The following TJP2 variants were observed in gnomAD, a reference collection of about 807,000 sequenced individuals.
The protein encoded by TJP2 is Friedreich ataxia region gene X104 (tight junction protein ZO-2).
In TJP2, 91 loss-of-function variants were observed where a neutral mutation model predicts 133.1. The ratio of observed to expected loss-of-function variants is 0.68; its 90% CI spans 0.58 to 0.81. The LOEUF is 0.81. TJP2 is among the 40% of genes least tolerant of loss of function. The pLI, the probability that TJP2 is intolerant of heterozygous loss-of-function variation, is 0.00. For missense variants in TJP2, 1,541 were observed against 1,565.6 expected, an observed-to-expected ratio of 0.98 and a Z score of 0.26; for synonymous variants, 592 against 583.4, an observed-to-expected ratio of 1.01 and a Z score of -0.21.
intron 18 of TJP2, among the ~76,000 whole-genome samples, chr9:69,247,457 T>C (rs1831007867): frequency 6.6e-6 from 1 of 152,224 alleles, no homozygotes; most frequent in South Asian, 2.1e-4. Flanking sequence ...TGACAGTGAC[T>C]ATTTTGTTGC....
intron 1 of TJP2, among the ~76,000 whole-genome samples, chr9:69,133,406 C>T (rs1462343212): frequency 2.0e-5 from 3 of 152,206 alleles, no homozygotes; most frequent in South Asian, 4.1e-4. Context: ...GAAAGACTGG[C>T]GTCTGCTGCA....
At chr9:69,199,562 G>T (rs73450840) in intron 1 of TJP2, among the ~76,000 whole-genome samples, 9 of 152,024 alleles carry the variant, frequency 5.9e-5, no homozygotes, top group East Asian at 1.9e-4. Context: ...ATGCACGTAC[G>T]CACGCACCAG....
rs1831161158 is a variant in TJP2, at chr9:69,249,372, T to C, written c.2881-3T>C. On this transcript the variant is annotated splice_region_variant and splice_polypyrimidine_tract_variant and intron_variant, in intron 19 of 22. Coordinates refer to ENST00000377245, the MANE Select transcript of TJP2 (RefSeq NM_004817.4). The stretch of plus-strand genomic sequence containing the variant: ...GTTGTGAATGAACCTTTATGTCTTG[T>C]AGAGCATAAGGAAACCCAGCCCAGA... 6.2e-7 allele frequency: 1 copy of C among 1,606,018 alleles called. No homozygotes were observed. Among genetic ancestry groups the C allele is most frequent in the East Asian group, 2.2e-5 (1 of 44,676 alleles).
chr9:69,227,141 A>AG (rs2133321940), intron 7 of TJP2, among the ~76,000 whole-genome samples: 1 of 151,952 alleles, frequency 6.6e-6, no homozygotes, highest in South Asian at 2.1e-4. Context: ...TTTTTTTTAA[A>AG]GGAATTTCTT....
chr9:69,171,689 G>A (rs889631131), upstream of TJP2, among the ~76,000 whole-genome samples: 6 of 151,134 alleles, frequency 4.0e-5, no homozygotes, highest in African/African-American at 1.5e-4. Context: ...ATTACTTGTT[G>A]ATTGTCTACT....
At chr9:69,217,006 T>C (rs949376352) in intron 3 of TJP2, among the ~76,000 whole-genome samples, 9 of 121,212 alleles carry the variant, frequency 7.4e-5, no homozygotes, top group Admixed American at 2.7e-4. Context: ...TTTTTTTTTT[T>C]CAGACAGAGT....
chr9:69,191,306 TTC>T (rs1791640715), intron 1 of TJP2, among the ~76,000 whole-genome samples: 1 of 152,242 alleles, frequency 6.6e-6, no homozygotes, highest in Non-Finnish European at 1.5e-5. Context: ...CATCAAACAT[TTC>T]TGTGTTTCTG....
intron 1 of TJP2, chr9:69,145,579 A>G (rs1823178073): frequency 2.0e-6 from 1 of 509,918 alleles, no homozygotes; most frequent in African/African-American, 2.0e-5. Context: ...GGTTGTGTTT[A>G]ATAGATCTAG....
chr9:69,205,251 C>T lies in TJP2; in HGVS notation c.61-7297C>T, dbSNP rs770252733. The T allele has an allele frequency of 5.2e-6, 8 of 1,537,272 alleles. No individual in the cohort carries two copies. The South Asian group carries it at 9.5e-5, about 18-fold the overall frequency. ...AAGGCCGTGTGAGTCCCTCTGCAAG[C>T]TCTCCCCTTGTTTTCCCCAACCTTT... is the stretch of plus-strand genomic sequence containing the variant. On this transcript the variant is annotated intron_variant, in intron 1 of 22. Coordinates refer to ENST00000377245, the MANE Select transcript of TJP2 (RefSeq NM_004817.4).
intron 1 of TJP2, among the ~76,000 whole-genome samples, chr9:69,201,972 G>A (rs533828868): frequency 1.3e-5 from 2 of 152,134 alleles, no homozygotes; most frequent in Non-Finnish European, 2.9e-5. Context: ...AGGGAAATGG[G>A]GAGTTGTTTG....
intron 2 of TJP2, among the ~76,000 whole-genome samples, chr9:69,157,150 A>C (rs1203459321): frequency 2.0e-5 from 3 of 152,162 alleles, no homozygotes; most frequent in African/African-American, 7.2e-5. Flanking sequence ...AGATGGTTGC[A>C]GGGGCCCTTC....
At chr9:69,231,620 T>C (rs1283411576) in intron 11 of TJP2, among the ~76,000 whole-genome samples, 1 of 151,584 alleles carries the variant, frequency 6.6e-6, no homozygotes, top group Non-Finnish European at 1.5e-5. Flanking sequence ...CCTTCCTTCT[T>C]GGCCCCGTTG....
chr9:69,222,785 G>A (rs1828986791), intron 5 of TJP2, among the ~76,000 whole-genome samples: 1 of 152,046 alleles, frequency 6.6e-6, no homozygotes. Flanking sequence ...ACCATGGGGT[G>A]GAGCCGGGTG....
chr9:69,136,000 G>A (rs1469760236), intron 1 of TJP2, among the ~76,000 whole-genome samples: 1 of 152,174 alleles, frequency 6.6e-6, no homozygotes, highest in African/African-American at 2.4e-5. Flanking sequence ...GTTCCTGAGT[G>A]AGGAGAGATA....
intron 17 of TJP2, among the ~76,000 whole-genome samples, chr9:69,241,178 G>A (rs1830556289): frequency 6.6e-6 from 1 of 152,196 alleles, no homozygotes; most frequent in Non-Finnish European, 1.5e-5. Flanking sequence ...AAGAGCCATT[G>A]CTATTACTCA....
At chr9:69,213,756 A>C (rs570758213) in intron 2 of TJP2, among the ~76,000 whole-genome samples, 5 of 152,066 alleles carry the variant, frequency 3.3e-5, no homozygotes, top group Non-Finnish European at 7.4e-5. Context: ...TGAGCATTTC[A>C]TGCATTCCTT....
chr9:69,193,881 T>C (rs932963936), intron 1 of TJP2, among the ~76,000 whole-genome samples: 2 of 152,060 alleles, frequency 1.3e-5, no homozygotes, highest in African/African-American at 4.8e-5. Context: ...TTGTTTCTTT[T>C]TGTCTGTTGA....
upstream of TJP2, among the ~76,000 whole-genome samples, chr9:69,169,892 A>C (rs1419323933): frequency 1.3e-5 from 2 of 152,156 alleles, no homozygotes; most frequent in African/African-American, 4.8e-5. Context: ...CCTAGGCTGC[A>C]GTATAGTGGT....
intron 1 of TJP2, among the ~76,000 whole-genome samples, chr9:69,130,991 C>T (rs1822471833): frequency 6.6e-6 from 1 of 152,118 alleles, no homozygotes; most frequent in Non-Finnish European, 1.5e-5. Flanking sequence ...GGCAGCATCC[C>T]CGGGCAGTGG....
Sources: gnomAD v4.1 joint callset for allele counts (sites outside exome capture counted in the v4.1 genomes callset) on GRCh38, gnomAD v4.1.1 for gene constraint, MANE v1.5 for transcripts, NCBI Gene and HGNC (gene_info 2026-07-23, HGNC 2026-07-21) for gene names.